Variants in IFT56 observed in about 807,000 individuals in gnomAD.
IFT56 encodes the protein intraflagellar transport protein 56.
the IFT56 span, among the ~76,000 whole-genome samples, chr7:139,169,819 T>G: frequency 6.6e-6 from 1 of 152,136 alleles, no homozygotes; most frequent in African/African-American, 2.4e-5. Context: ...AGGACCAGCC[T>G]GGGCAACATA....
the IFT56 span, chr7:139,168,582 C>CAA: frequency 9.7e-5 from 36 of 371,866 alleles, no homozygotes; most frequent in South Asian, 2.7e-4. Context: ...AAAAAAAAAA[C>CAA]AAAAAAAAAA....
At chr7:139,170,288 A>T in the IFT56 span, among the ~76,000 whole-genome samples, 56 of 152,342 alleles carry the variant, frequency 3.7e-4, no homozygotes, top group African/African-American at 1.3e-3. Context: ...ACATTTAAAG[A>T]AAAACTAATA....
At chr7:139,182,080 A>G in the IFT56 span, among the ~76,000 whole-genome samples, 1 of 151,244 alleles carries the variant, frequency 6.6e-6, no homozygotes, top group Non-Finnish European at 1.5e-5. Context: ...TTTTGTGTGC[A>G]TGCTGGGGTG....
chr7:139,189,425 C>CTAAA, the IFT56 span: 1 of 1,610,216 alleles, frequency 6.2e-7, no homozygotes, highest in East Asian at 2.2e-5. Flanking sequence ...AACAGAGTGT[C>CTAAA]CATCTAAAAT....
chr7:139,141,542 A>T, the IFT56 span, among the ~76,000 whole-genome samples: 2 of 152,236 alleles, frequency 1.3e-5, no homozygotes, highest in Admixed American at 1.3e-4. Context: ...TGTAGGCTTT[A>T]TCTGTGCTAA....
the IFT56 span, among the ~76,000 whole-genome samples, chr7:139,179,918 A>G: frequency 6.6e-6 from 1 of 152,226 alleles, no homozygotes; most frequent in East Asian, 1.9e-4. Flanking sequence ...AAGTCTCATT[A>G]AAGTTTCCAG....
the IFT56 span, chr7:139,168,532 G>T: frequency 1.6e-6 from 1 of 642,902 alleles, no homozygotes; most frequent in Non-Finnish European, 2.9e-6. Flanking sequence ...CCCCAATCCA[G>T]ACTCCACTGA....
the IFT56 span, among the ~76,000 whole-genome samples, chr7:139,159,581 T>A: frequency 2.0e-5 from 3 of 152,312 alleles, no homozygotes; most frequent in African/African-American, 7.2e-5. Context: ...GCTTTCTTTT[T>A]TGTCCTTGTC....
the IFT56 span, among the ~76,000 whole-genome samples, chr7:139,148,665 G>C: frequency 1.3e-5 from 2 of 152,118 alleles, no homozygotes; most frequent in East Asian, 3.9e-4. Context: ...CTGGCCGGGC[G>C]CTGTGGCTCA....
the IFT56 span, among the ~76,000 whole-genome samples, chr7:139,151,974 T>C: frequency 2.0e-5 from 3 of 152,118 alleles, no homozygotes; most frequent in African/African-American, 7.2e-5. Context: ...GGCAGGAGAA[T>C]TGCTTGAACC....
At chr7:139,172,748 G>A in the IFT56 span, 149 of 632,560 alleles carry the variant, frequency 2.4e-4, no homozygotes, top group Non-Finnish European at 3.9e-4. Context: ...GGGTGGAAGC[G>A]GCTGGTCACC....
the IFT56 span, chr7:139,169,406 A>G: frequency 1.3e-6 from 2 of 1,511,518 alleles, no homozygotes; most frequent in Non-Finnish European, 1.8e-6. Context: ...TGGGGCATAT[A>G]TTGACCGTGA....
At chr7:139,169,178 AT>A in the IFT56 span, 1 of 956,060 alleles carries the variant, frequency 1.0e-6, no homozygotes, top group African/African-American at 1.6e-5. Flanking sequence ...TTGGGGCAAG[AT>A]TTAAAACAAA....
At chr7:139,181,637 C>T in the IFT56 span, among the ~76,000 whole-genome samples, 5 of 152,148 alleles carry the variant, frequency 3.3e-5, no homozygotes, top group African/African-American at 1.2e-4. Context: ...ATTGTACAAA[C>T]ATCAGAGTGT....
At chr7:139,165,037 C>A in the IFT56 span, 4 of 911,748 alleles carry the variant, frequency 4.4e-6, no homozygotes, top group Admixed American at 3.1e-5. Context: ...AGTTGAATAT[C>A]ATGAACCCAG....
chr7:139,150,621 C>G, the IFT56 span, among the ~76,000 whole-genome samples: 1 of 151,826 alleles, frequency 6.6e-6, no homozygotes, highest in Non-Finnish European at 1.5e-5. Flanking sequence ...TTTTTTGGTA[C>G]CAATAAGATA....
chr7:139,139,472 G>A, the IFT56 span, among the ~76,000 whole-genome samples: 1 of 152,076 alleles, frequency 6.6e-6, no homozygotes, highest in African/African-American at 2.4e-5. Context: ...CTCCCTCAAT[G>A]CCAAAAAAGC....
the IFT56 span, chr7:139,142,339 TA>T: frequency 2.5e-6 from 4 of 1,574,046 alleles, no homozygotes; most frequent in African/African-American, 2.7e-5. Flanking sequence ...TTTTTTGTTT[TA>T]AAAATATTTT....
At chr7:139,137,977 G>T in the IFT56 span, 1 of 1,255,050 alleles carries the variant, frequency 8.0e-7, no homozygotes, top group Non-Finnish European at 1.2e-6. Flanking sequence ...ACAGAACTGT[G>T]TTTAAAATGT....
Sources: gnomAD v4.1 joint callset for allele counts (sites outside exome capture counted in the v4.1 genomes callset) on GRCh38, gnomAD v4.1.1 for gene constraint, MANE v1.5 for transcripts, NCBI Gene and HGNC (gene_info 2026-07-23, HGNC 2026-07-21) for gene names.